The following PDE11A variants were observed in gnomAD, a reference collection of about 807,000 sequenced individuals.
PDE11A encodes dual 3',5'-cyclic-AMP and -GMP phosphodiesterase 11A.
A neutral mutation model predicts 100.5 loss-of-function variants in PDE11A; 100 were observed. That is an observed-to-expected ratio of 1.00 (90% CI 0.85 to 1.18). The LOEUF is 1.18. PDE11A is among the 50% of genes most tolerant of loss of function. The pLI, the probability that PDE11A is intolerant of heterozygous loss-of-function variation, is 0.00. For missense variants in PDE11A, 1,141 were observed against 1,152.6 expected, an observed-to-expected ratio of 0.99 and a Z score of 0.15; for synonymous variants, 381 against 420.8, an observed-to-expected ratio of 0.91 and a Z score of 1.16.
chr2:177,676,022 G>A, intron 16 of PDE11A: 2 of 239,954 alleles, frequency 8.3e-6, no homozygotes, highest in South Asian at 1.1e-4. Flanking sequence ...ACAGAGCTAA[G>A]ATTTATGGGC....
intron 1 of PDE11A, among the ~76,000 whole-genome samples, chr2:178,020,154 G>C (rs1342910698): frequency 6.6e-6 from 1 of 152,188 alleles, no homozygotes; most frequent in Non-Finnish European, 1.5e-5. Flanking sequence ...GGAGGAACAA[G>C]AAGAGTGGTA....
intron 2 of PDE11A, among the ~76,000 whole-genome samples, chr2:177,937,576 C>A (rs2085290912): frequency 6.6e-6 from 1 of 152,174 alleles, no homozygotes; most frequent in Non-Finnish European, 1.5e-5. Flanking sequence ...CTCGCCCTTT[C>A]AAAGTGCTGG....
At chr2:177,826,699 T>C (rs890231713) in intron 6 of PDE11A, among the ~76,000 whole-genome samples, 4 of 152,246 alleles carry the variant, frequency 2.6e-5, no homozygotes, top group African/African-American at 9.6e-5. Context: ...GTGGGACTTG[T>C]ATTTGTTTTC....
chr2:178,105,748 C>A, intron 1 of PDE11A: 1 of 1,122,718 alleles, frequency 8.9e-7, no homozygotes, highest in Non-Finnish European at 1.2e-6. Flanking sequence ...TATCACCTCA[C>A]AGCTCTGAGC....
At chr2:177,867,740 C>A (rs78928721) in intron 5 of PDE11A, among the ~76,000 whole-genome samples, 4,511 of 152,182 alleles carry the variant, frequency 0.03, 108 homozygotes, top group East Asian at 0.075. Flanking sequence ...AAAAGAAAAA[C>A]AATTGCAATA....
chr2:178,009,334 A>G (rs2086248577), intron 2 of PDE11A, among the ~76,000 whole-genome samples: 1 of 152,210 alleles, frequency 6.6e-6, no homozygotes, highest in South Asian at 2.1e-4. Flanking sequence ...AGTGAACCAG[A>G]AAATTCCGAT....
At chr2:177,837,536 C>T (rs1013753703) in intron 6 of PDE11A, among the ~76,000 whole-genome samples, 18 of 150,714 alleles carry the variant, frequency 1.2e-4, no homozygotes, top group Admixed American at 1.3e-4. Context: ...TGCAGTGGCG[C>T]GATCTCAGCT....
intron 2 of PDE11A, among the ~76,000 whole-genome samples, chr2:177,956,829 A>G (rs974194572): frequency 8.5e-5 from 13 of 152,072 alleles, no homozygotes; most frequent in African/African-American, 2.4e-4. Flanking sequence ...CAAACACCGC[A>G]TGTTCTCGCT....
intron 10 of PDE11A, among the ~76,000 whole-genome samples, chr2:177,732,316 G>C (rs1574088359): frequency 6.6e-6 from 1 of 152,314 alleles, no homozygotes; most frequent in African/African-American, 2.4e-5. Context: ...GAATACCAAG[G>C]TCTCAGAAAG....
intron 10 of PDE11A, among the ~76,000 whole-genome samples, chr2:177,751,438 C>A (rs1574106205): frequency 6.6e-6 from 1 of 152,132 alleles, no homozygotes; most frequent in Non-Finnish European, 1.5e-5. Flanking sequence ...GTAAACATTC[C>A]AAGACTTTAT....
At chr2:177,699,513 A>C (rs2081166546) in intron 14 of PDE11A, among the ~76,000 whole-genome samples, 1 of 152,226 alleles carries the variant, frequency 6.6e-6, no homozygotes, top group South Asian at 2.1e-4. Context: ...TATGCAAATT[A>C]GTCTTCTATT....
intron 10 of PDE11A, among the ~76,000 whole-genome samples, chr2:177,761,214 T>C (rs985393741): frequency 1.2e-4 from 18 of 152,242 alleles, no homozygotes; most frequent in African/African-American, 4.1e-4. Flanking sequence ...GTACCTATCC[T>C]AAACAAAGAA....
At chr2:177,888,618 C>T (rs997322189) in intron 4 of PDE11A, 5 of 535,354 alleles carry the variant, frequency 9.3e-6, no homozygotes, top group Non-Finnish European at 9.5e-6. Context: ...CACAAATATA[C>T]CTGTTGAGAG....
At chr2:177,765,472 C>T (rs1223895906) in intron 10 of PDE11A, among the ~76,000 whole-genome samples, 1 of 152,176 alleles carries the variant, frequency 6.6e-6, no homozygotes, top group Non-Finnish European at 1.5e-5. Flanking sequence ...TCAGGGTGTA[C>T]CTTACCTGCC....
chr2:177,749,987 A>G (rs1204149095), intron 10 of PDE11A, among the ~76,000 whole-genome samples: 1 of 152,232 alleles, frequency 6.6e-6, no homozygotes, highest in Non-Finnish European at 1.5e-5. Flanking sequence ...TTCATTTACA[A>G]CAGTACATAA....
chr2:178,101,392 T>C (rs1231833495), intron 2 of PDE11A, among the ~76,000 whole-genome samples: 1 of 152,182 alleles, frequency 6.6e-6, no homozygotes, highest in Non-Finnish European at 1.5e-5. Context: ...TCCCAACACA[T>C]GGATGTGTTC....
chr2:177,664,993 G>C (rs575564997), intron 18 of PDE11A, among the ~76,000 whole-genome samples: 1 of 152,194 alleles, frequency 6.6e-6, no homozygotes, highest in South Asian at 2.1e-4. Flanking sequence ...ATCACTAGCT[G>C]CCAAATCTGA....
At chr2:177,856,195 C>A (rs549994002) in intron 5 of PDE11A, among the ~76,000 whole-genome samples, 172 of 152,176 alleles carry the variant, frequency 1.1e-3, no homozygotes, top group Admixed American at 1.9e-3. Context: ...TTGCCAAACC[C>A]TCCCAAAAAT....
chr2:177,769,723 C>T (rs1411849926), intron 9 of PDE11A, among the ~76,000 whole-genome samples: 1 of 151,698 alleles, frequency 6.6e-6, no homozygotes, highest in Non-Finnish European at 1.5e-5. Context: ...CTTGTCTCTA[C>T]AAAAAATTCA....
Sources: allele counts gnomAD v4.1 joint callset (sites outside exome capture counted in the v4.1 genomes callset), GRCh38; gene constraint gnomAD v4.1.1; transcripts MANE v1.5; gene names NCBI Gene and HGNC (gene_info 2026-07-23, HGNC 2026-07-21).